The following CTNNA2 variants were observed in gnomAD, a reference collection of about 807,000 sequenced individuals.
CTNNA2 encodes the protein catenin alpha-2.
Under a neutral mutation model 101.0 loss-of-function variants are expected in CTNNA2, and 42 were observed. That is an observed-to-expected ratio of 0.42 (90% CI 0.32 to 0.54). The LOEUF (loss-of-function observed/expected upper bound fraction) is 0.54. Among genes scored for constraint, CTNNA2 ranks in the 20% least tolerant of loss-of-function variants. CTNNA2 has a pLI of 0.14. For missense variants in CTNNA2, 871 were observed against 1,223.1 expected, an observed-to-expected ratio of 0.71 and a Z score of 4.29; for synonymous variants, 450 against 456.4, an observed-to-expected ratio of 0.99 and a Z score of 0.18.
intron 3 of CTNNA2, among the ~76,000 whole-genome samples, chr2:79,745,751 G>C (rs1671601449): frequency 6.6e-6 from 1 of 152,094 alleles, no homozygotes; most frequent in South Asian, 2.1e-4. Flanking sequence ...GTTGTGGCAT[G>C]TTTCAGAATT....
intron 7 of CTNNA2, among the ~76,000 whole-genome samples, chr2:80,110,460 T>C (rs1558818436): frequency 6.6e-6 from 1 of 152,212 alleles, no homozygotes; most frequent in Non-Finnish European, 1.5e-5. Context: ...TCATATCCCA[T>C]TAGTCCCCAG....
intron 7 of CTNNA2, among the ~76,000 whole-genome samples, chr2:80,058,889 A>G (rs1295465238): frequency 6.6e-6 from 1 of 152,194 alleles, no homozygotes; most frequent in East Asian, 1.9e-4. Context: ...TGTGCCAACC[A>G]GGAAATGCGT....
At chr2:79,431,449 C>T (rs550370073) in intron 4 of CTNNA2, among the ~76,000 whole-genome samples, 1 of 152,200 alleles carries the variant, frequency 6.6e-6, no homozygotes, top group East Asian at 1.9e-4. Context: ...GAAATCTAGA[C>T]TAAAAGGGCA....
intron 7 of CTNNA2, chr2:80,304,973 A>C: frequency 1.4e-6 from 1 of 733,608 alleles, no homozygotes; most frequent in Non-Finnish European, 1.7e-6. Flanking sequence ...ATCATCCACG[A>C]CAAGATATTT....
chr2:80,423,661 A>G (rs907753154), intron 9 of CTNNA2, among the ~76,000 whole-genome samples: 2 of 152,180 alleles, frequency 1.3e-5, no homozygotes, highest in Non-Finnish European at 2.9e-5. Flanking sequence ...ATGATGCAAC[A>G]CACCCACCAA....
intron 3 of CTNNA2, among the ~76,000 whole-genome samples, chr2:79,785,092 G>A (rs1345041105): frequency 6.6e-6 from 1 of 152,126 alleles, no homozygotes; most frequent in East Asian, 1.9e-4. Flanking sequence ...GGATCCTGGG[G>A]ATGGCCTCCT....
At chr2:80,435,750 A>G (rs1049760079) in intron 9 of CTNNA2, among the ~76,000 whole-genome samples, 7 of 152,228 alleles carry the variant, frequency 4.6e-5, no homozygotes, top group African/African-American at 1.4e-4. Context: ...ATACTCCATA[A>G]GCGCTTAATA....
chr2:79,819,384 A>G (rs1468821803), intron 3 of CTNNA2, among the ~76,000 whole-genome samples: 3 of 152,130 alleles, frequency 2.0e-5, no homozygotes, highest in Non-Finnish European at 2.9e-5. Flanking sequence ...TTATGGGCTT[A>G]CTTCTGTCTC....
At chr2:80,530,624 A>G (rs1449824964) in intron 9 of CTNNA2, among the ~76,000 whole-genome samples, 1 of 152,168 alleles carries the variant, frequency 6.6e-6, no homozygotes, top group Non-Finnish European at 1.5e-5. Flanking sequence ...ATGAAGTCAT[A>G]TAAAGAAAGC....
chr2:79,454,831 A>T (rs57339786), intron 4 of CTNNA2, among the ~76,000 whole-genome samples: 3,775 of 152,294 alleles, frequency 0.025, 140 homozygotes, highest in African/African-American at 0.086. Flanking sequence ...ATAAAACATT[A>T]CTGCAAATTA....
chr2:79,762,092 T>G (rs1349303043), intron 3 of CTNNA2, among the ~76,000 whole-genome samples: 2 of 152,216 alleles, frequency 1.3e-5, no homozygotes, highest in African/African-American at 4.8e-5. Context: ...CAAGCCTATT[T>G]AATCTTTGGT....
intron 7 of CTNNA2, among the ~76,000 whole-genome samples, chr2:80,195,734 C>T (rs1219190411): frequency 6.6e-6 from 1 of 151,330 alleles, no homozygotes; most frequent in Non-Finnish European, 1.5e-5. Flanking sequence ...TTTTTGCTTC[C>T]TGATATTCAT....
intron 7 of CTNNA2, among the ~76,000 whole-genome samples, chr2:80,363,310 A>G (rs1415290917): frequency 6.6e-6 from 1 of 152,148 alleles, no homozygotes; most frequent in Admixed American, 6.6e-5. Context: ...CAGATTTGAC[A>G]TATCATGAGA....
chr2:79,768,339 G>T (rs928660737), intron 3 of CTNNA2, among the ~76,000 whole-genome samples: 6 of 151,052 alleles, frequency 4.0e-5, no homozygotes, highest in African/African-American at 1.5e-4. Context: ...CTGTATGATT[G>T]AAGGAGGCAC....
chr2:79,750,481 C>T (rs1671948989), intron 3 of CTNNA2, among the ~76,000 whole-genome samples: 1 of 152,168 alleles, frequency 6.6e-6, no homozygotes, highest in African/African-American at 2.4e-5. Flanking sequence ...ACTTATCAAT[C>T]CATGGTAGTT....
intron 7 of CTNNA2, among the ~76,000 whole-genome samples, chr2:80,314,396 A>G (rs975341416): frequency 6.6e-6 from 1 of 152,216 alleles, no homozygotes; most frequent in Non-Finnish European, 1.5e-5. Flanking sequence ...GATGATTCTC[A>G]ACAAGAAAGA....
intron 7 of CTNNA2, among the ~76,000 whole-genome samples, chr2:80,279,098 G>C (rs545844289): frequency 1.4e-5 from 2 of 146,794 alleles, no homozygotes; most frequent in South Asian, 4.4e-4. Flanking sequence ...AACAGAGAGA[G>C]AGAGAGAGAA....
chr2:80,525,691 G>T (rs1276878008), intron 9 of CTNNA2, among the ~76,000 whole-genome samples: 1 of 152,088 alleles, frequency 6.6e-6, no homozygotes, highest in Non-Finnish European at 1.5e-5. Flanking sequence ...TTCTGGAGGG[G>T]CCTTGATCAC....
At chr2:80,372,095 G>A (rs1385389118) in intron 7 of CTNNA2, among the ~76,000 whole-genome samples, 1 of 152,032 alleles carries the variant, frequency 6.6e-6, no homozygotes, top group African/African-American at 2.4e-5. Context: ...AAATTTTGAA[G>A]GAATCATCTC....
Sources: gnomAD v4.1 joint callset for allele counts (sites outside exome capture counted in the v4.1 genomes callset) on GRCh38, gnomAD v4.1.1 for gene constraint, MANE v1.5 for transcripts, NCBI Gene and HGNC (gene_info 2026-07-23, HGNC 2026-07-21) for gene names.